GNAZ: variants seen among roughly 807,000 people sequenced by gnomAD.
GNAZ encodes the protein guanine nucleotide-binding protein G(z) subunit alpha.
A neutral mutation model predicts 25.4 loss-of-function variants in GNAZ; 3 were observed. The ratio of observed to expected loss-of-function variants is 0.12; its 90% CI spans 0.05 to 0.30. The LOEUF (loss-of-function observed/expected upper bound fraction) is 0.30. Among genes scored for constraint, GNAZ ranks in the 10% least tolerant of loss-of-function variants. GNAZ has a pLI of 1.00. For synonymous variants in GNAZ, 211 were observed against 205.7 expected, an observed-to-expected ratio of 1.03 and a Z score of -0.22; for missense variants, 241 against 501.8, an observed-to-expected ratio of 0.48 and a Z score of 4.97.
intron 2 of GNAZ, among the ~76,000 whole-genome samples, chr22:23,115,207 A>G (rs1481448033): frequency 6.6e-6 from 1 of 152,110 alleles, no homozygotes; most frequent in Non-Finnish European, 1.5e-5. Context: ...GCCATATCAC[A>G]CTGGCATCAC....
intron 2 of GNAZ, among the ~76,000 whole-genome samples, chr22:23,115,032 C>T (rs935766878): frequency 1.3e-5 from 2 of 152,172 alleles, no homozygotes; most frequent in African/African-American, 4.8e-5. Flanking sequence ...CTTAATGTCA[C>T]GTGCATTTTA....
At chr22:23,073,428 C>T (rs906344428) in intron 1 of GNAZ, among the ~76,000 whole-genome samples, 8 of 152,162 alleles carry the variant, frequency 5.3e-5, no homozygotes, top group African/African-American at 1.7e-4. Context: ...GTTGTGGCTC[C>T]GGGGTGGTGA....
chr22:23,107,059 T>C (rs1357817990), intron 2 of GNAZ, among the ~76,000 whole-genome samples: 1 of 152,274 alleles, frequency 6.6e-6, no homozygotes, highest in African/African-American at 2.4e-5. Context: ...CAAGGGCTTT[T>C]CAGGCCATTA....
rs959215394 is a variant in GNAZ, at chr22:23,124,952, A to T, written c.*1521A>T. The T allele has an allele frequency of 6.6e-6, 1 of 152,344 alleles. No individual in the cohort carries two copies. The highest frequency in any genetic ancestry group is 2.4e-5 in the African/African-American group (1 of 41,438). 9.4% of individuals were successfully genotyped at this position (152,344 alleles called of 1,614,324 possible). ...GAATCACAGCCAAGGACGTGAAGAG[A>T]TGTACGGGGGAAAGAGAAGCTGGGG... On this transcript the variant is annotated 3_prime_UTR_variant, in exon 3 of 3. Coordinates refer to ENST00000615612, the MANE Select transcript of GNAZ (RefSeq NM_002073.4).
intron 1 of GNAZ, among the ~76,000 whole-genome samples, chr22:23,072,790 C>T (rs555849303): frequency 1.3e-5 from 2 of 152,334 alleles, no homozygotes; most frequent in African/African-American, 4.8e-5. Flanking sequence ...CCCAGCCTCT[C>T]AGTCCTTTTG....
chr22:23,099,129 T>C (rs2146326211), intron 2 of GNAZ, among the ~76,000 whole-genome samples: 1 of 152,276 alleles, frequency 6.6e-6, no homozygotes, highest in Non-Finnish European at 1.5e-5. Context: ...CCCCCACGCC[T>C]GGCGAAGGAG....
At chr22:23,088,434 G>A (rs1369673234) in intron 1 of GNAZ, among the ~76,000 whole-genome samples, 4 of 152,212 alleles carry the variant, frequency 2.6e-5, no homozygotes, top group African/African-American at 9.7e-5. Context: ...CAGCTGCTGG[G>A]TGCCAAGGTG....
intron 2 of GNAZ, among the ~76,000 whole-genome samples, chr22:23,116,073 C>T (rs983405724): frequency 2.0e-5 from 3 of 152,274 alleles, no homozygotes; most frequent in South Asian, 2.1e-4. Flanking sequence ...AGGTGCCAGC[C>T]TCTGTCATGT....
chr22:23,107,526 G>A (rs1044353563), intron 2 of GNAZ, among the ~76,000 whole-genome samples: 1 of 152,168 alleles, frequency 6.6e-6, no homozygotes, highest in Non-Finnish European at 1.5e-5. Context: ...TGTGCCACTC[G>A]AGAGTCTCCA....
intron 2 of GNAZ, among the ~76,000 whole-genome samples, chr22:23,108,548 G>C (rs866135659): frequency 1.4e-4 from 22 of 152,212 alleles, no homozygotes; most frequent in African/African-American, 5.1e-4. Context: ...GTTTGCACAG[G>C]GGGCAACCCC....
At chr22:23,094,027 G>C (rs2069056928) in intron 1 of GNAZ, among the ~76,000 whole-genome samples, 1 of 152,224 alleles carries the variant, frequency 6.6e-6, no homozygotes, top group African/African-American at 2.4e-5. Context: ...GGGTTTAGCA[G>C]GTTGAGTTTC....
intron 2 of GNAZ, among the ~76,000 whole-genome samples, chr22:23,102,868 G>A (rs139744286): frequency 6.6e-6 from 1 of 152,350 alleles, no homozygotes; most frequent in African/African-American, 2.4e-5. Flanking sequence ...GGATGCCCAT[G>A]GTGTTCCTCA....
At chr22:23,110,792 G>A (rs1424481707) in intron 2 of GNAZ, among the ~76,000 whole-genome samples, 2 of 152,214 alleles carry the variant, frequency 1.3e-5, no homozygotes, top group Admixed American at 6.5e-5. Flanking sequence ...GCTGGCCTGG[G>A]AGGCAGCTGT....
intron 1 of GNAZ, among the ~76,000 whole-genome samples, chr22:23,073,068 C>T (rs1012100153): frequency 6.6e-6 from 1 of 152,244 alleles, no homozygotes; most frequent in Non-Finnish European, 1.5e-5. Context: ...GGCTTCCTCC[C>T]CTGGAGGCAA....
intron 2 of GNAZ, among the ~76,000 whole-genome samples, chr22:23,120,326 G>A (rs771456249): frequency 1.8e-4 from 28 of 152,198 alleles, no homozygotes; most frequent in African/African-American, 5.1e-4. Context: ...GTTTCATGGC[G>A]TTGGACAAGA....
At chr22:23,090,285 C>A (rs1056141546) in intron 1 of GNAZ, among the ~76,000 whole-genome samples, 1 of 152,094 alleles carries the variant, frequency 6.6e-6, no homozygotes, top group Non-Finnish European at 1.5e-5. Context: ...GTTCCCTGAT[C>A]GTCTCCCTGT....
chr22:23,075,658 C>T (rs1342183701), intron 1 of GNAZ, among the ~76,000 whole-genome samples: 8 of 152,216 alleles, frequency 5.3e-5, no homozygotes, highest in African/African-American at 1.9e-4. Flanking sequence ...CAGGGAGGGG[C>T]CTTACACATA....
chr22:23,106,762 C>T (rs1001910100), intron 2 of GNAZ, among the ~76,000 whole-genome samples: 4 of 152,244 alleles, frequency 2.6e-5, no homozygotes, highest in East Asian at 1.9e-4. Flanking sequence ...CCTCCCAGCC[C>T]GAAGGGGCTC....
intron 2 of GNAZ, among the ~76,000 whole-genome samples, chr22:23,102,567 G>T (rs149710847): frequency 6.6e-6 from 1 of 152,210 alleles, no homozygotes; most frequent in Non-Finnish European, 1.5e-5. Flanking sequence ...GGCAAGAGGC[G>T]GCAGGGCCCT....
Sources: gnomAD v4.1 joint callset for allele counts (sites outside exome capture counted in the v4.1 genomes callset) on GRCh38, gnomAD v4.1.1 for gene constraint, MANE v1.5 for transcripts, NCBI Gene and HGNC (gene_info 2026-07-23, HGNC 2026-07-21) for gene names.